IL36G: variants seen among roughly 807,000 people sequenced by gnomAD.
The protein encoded by IL36G is interleukin 36 gamma.
A neutral mutation model predicts 13.5 loss-of-function variants in IL36G; 10 were observed. The ratio of observed to expected loss-of-function variants is 0.74; its 90% confidence interval spans 0.46 to 1.26. IL36G has a LOEUF of 1.26. Ranked by LOEUF, IL36G falls within the 50% of genes most tolerant of loss-of-function variation. The pLI is 0.00. For synonymous variants in IL36G, 84 were observed against 74.0 expected, an observed-to-expected ratio of 1.13 and a Z score of -0.69; for missense variants, 199 against 203.0, an observed-to-expected ratio of 0.98 and a Z score of 0.12.
rs1173983481 is a variant in IL36G, at chr2:112,979,289, C to A, written c.124C>A (p.Leu42Ile). 6.2e-7 allele frequency: 1 copy of A among 1,613,220 alleles called. No individual in the cohort carries two copies. The highest frequency in any genetic ancestry group is 8.5e-7 in the Non-Finnish European group (1 of 1,179,132). ...QQVWTLQGQN[L>I]VAVPRSDSVT... is the part of the protein sequence containing the mutation. ...AGTGTGGACCCTTCAGGGTCAGAAC[C>A]TTGTGGCAGTTCCACGAAGTGACAG... is the stretch of plus-strand genomic sequence containing the variant. The change falls in exon 3 of 5, where the codon CTT (leucine) becomes ATT (isoleucine). Residue 42 changes from leucine to isoleucine, a missense_variant. Coordinates refer to ENST00000259205, the MANE Select transcript of IL36G (RefSeq NM_019618.4).
At position 112,985,578 on chromosome 2, in the gene IL36G, C is replaced by G. The variant is rs558998968; in HGVS notation, c.*529C>G. On this transcript the variant is annotated 3_prime_UTR_variant, in exon 5 of 5. Coordinates refer to ENST00000259205, the MANE Select transcript of IL36G (RefSeq NM_019618.4). ...TGTGTTAAGTTAAATCATTTTTGTCCTAATTGTAATGTGTAATCTTAAAGT... is the reference window on the plus strand; with the variant it reads ...TGTGTTAAGTTAAATCATTTTTGTCGTAATTGTAATGTGTAATCTTAAAGT... 1 of 152,674 alleles carries G rather than the reference C, an allele frequency of 6.5e-6. No homozygotes were observed. The highest frequency in any genetic ancestry group is 1.5e-5 in the Non-Finnish European group (1 of 68,424). The allele number at this position is 152,674 out of a possible 1,614,324, so 9.5% of individuals were successfully genotyped here. A position where few individuals can be genotyped will look rare whatever the true frequency, so the allele number is the denominator to read the frequency against.
chr2:112,978,289 T>A (rs941629887), intron 1 of IL36G, among the ~76,000 whole-genome samples: 3 of 152,184 alleles, frequency 2.0e-5, no homozygotes, highest in African/African-American at 7.2e-5. Context: ...ACAATGCCGA[T>A]GAAGGGGTGG....
intron 2 of IL36G, 102 bp from the exon 3 acceptor site, chr2:112,979,119 C>T (rs1272499778): frequency 1.4e-6 from 1 of 718,536 alleles, no homozygotes; most frequent in Admixed American, 2.2e-5. Flanking sequence ...AAACCCCACA[C>T]CTTCCTTACA....
intron 4 of IL36G, among the ~76,000 whole-genome samples, chr2:112,981,909 T>C (rs1684269937): frequency 6.6e-6 from 1 of 152,206 alleles, no homozygotes; most frequent in Non-Finnish European, 1.5e-5. Context: ...TTCCACAAAC[T>C]TCAGTTTAAT....
At chr2:112,984,531 T>G (rs1684319760) in intron 4 of IL36G, among the ~76,000 whole-genome samples, 1 of 152,204 alleles carries the variant, frequency 6.6e-6, no homozygotes, top group Non-Finnish European at 1.5e-5. Context: ...TTCCTCTTCC[T>G]AAGGGTCACC....
At position 112,980,020 on chromosome 2, in the gene IL36G, G is replaced by T; in HGVS notation, c.172G>T (p.Val58Phe). The change falls in exon 4 of 5, where the codon GTT becomes TTT. Residue 58 changes from valine (V) to phenylalanine (F), a missense_variant. Transcript: ENST00000259205. The stretch of plus-strand genomic sequence containing the variant: ...TCTTATCTTTACAGTCACTGTTGCT[G>T]TTATCACATGCAAGTATCCAGAGGC... ...SDSVTPVTVAVITCKYPEALE... is the reference protein window; with the variant it reads ...SDSVTPVTVAFITCKYPEALE... 4 of 1,612,858 alleles carry T rather than the reference G, an allele frequency of 2.5e-6. No homozygotes were observed. The highest frequency in any genetic ancestry group is 3.4e-6 in the Non-Finnish European group (4 of 1,179,408).
At chr2:112,982,482 G>C (rs985088059) in intron 4 of IL36G, among the ~76,000 whole-genome samples, 1 of 152,186 alleles carries the variant, frequency 6.6e-6, no homozygotes, top group Non-Finnish European at 1.5e-5. Context: ...GGTCTAAAAA[G>C]GATCTCTCTG....
chr2:112,979,583 C>A (rs1248652721), intron 3 of IL36G, among the ~76,000 whole-genome samples: 1 of 152,180 alleles, frequency 6.6e-6, no homozygotes, highest in Non-Finnish European at 1.5e-5. Context: ...AGACTAGTAG[C>A]TTGTTCTGCA....
At chr2:112,979,121 T>C in intron 2 of IL36G, 100 bp from the exon 3 acceptor site, 4 of 726,604 alleles carry the variant, frequency 5.5e-6, no homozygotes, top group Non-Finnish European at 9.7e-6. Context: ...ACCCCACACC[T>C]TCCTTACAAA....
intron 1 of IL36G, 110 bp from the exon 2 acceptor site, chr2:112,978,509 CA>C: frequency 1.2e-6 from 1 of 826,130 alleles, no homozygotes; most frequent in Non-Finnish European, 2.1e-6. Flanking sequence ...AGCTTCGTGT[CA>C]GGCCAGGTTT....
At chr2:112,984,563 G>A (rs1455078208) in intron 4 of IL36G, among the ~76,000 whole-genome samples, 1 of 152,096 alleles carries the variant, frequency 6.6e-6, no homozygotes, top group Non-Finnish European at 1.5e-5. Flanking sequence ...TGTGAGAAGA[G>A]TTCTAACTTG....
chr2:112,978,618 A>G lies in IL36G; in HGVS notation c.-19-2A>G. The G allele has an allele frequency of 6.2e-7, 1 of 1,612,400 alleles. No individual in the cohort carries two copies. Among genetic ancestry groups the G allele is most frequent in the East Asian group, 2.2e-5 (1 of 44,866 alleles). On this transcript the variant is annotated splice_acceptor_variant, in intron 1 of 4. Coordinates refer to ENST00000259205, the MANE Select transcript of IL36G (RefSeq NM_019618.4). LOFTEE classifies it low-confidence loss of function (5UTR_SPLICE). The stretch of plus-strand genomic sequence containing the variant: ...TCATCTGTTCTATGTCTGCTTTCAC[A>G]GGTGCTGAGACAACCACACTATGAG...
chr2:112,985,003 T>A lies in IL36G; in HGVS notation c.464T>A (p.Leu155His). The A allele has an allele frequency of 1.2e-6, 2 of 1,614,140 alleles. No homozygotes were observed. Among genetic ancestry groups the A allele is most frequent in the Non-Finnish European group, 1.7e-6 (2 of 1,180,006 alleles). ...CAGCCCATCATTCTGACTTCAGAAC[T>A]TGGGAAGTCATACAACACTGCCTTT... ...RDQPIILTSE[L>H]GKSYNTAFEL... is the part of the protein sequence containing the mutation. The change falls in exon 5 of 5, where the codon CTT (leucine) becomes CAT (histidine). Residue 155 changes from leucine (L) to histidine (H), a missense_variant. Coordinates refer to ENST00000259205, the MANE Select transcript of IL36G (RefSeq NM_019618.4).
At chr2:112,981,253 A>G in intron 4 of IL36G, 1 of 1,402,856 alleles carries the variant, frequency 7.1e-7, no homozygotes, top group Non-Finnish European at 1.0e-6. Context: ...CCTTGCCAGC[A>G]TCAGCTTTTC....
intron 4 of IL36G, among the ~76,000 whole-genome samples, chr2:112,983,621 G>A (rs1401703887): frequency 6.6e-6 from 1 of 152,072 alleles, no homozygotes; most frequent in East Asian, 1.9e-4. Flanking sequence ...TGTCTTGGAA[G>A]GCAAAGAAGA....
intron 4 of IL36G, among the ~76,000 whole-genome samples, chr2:112,983,388 T>C (rs566621001): frequency 1.3e-5 from 2 of 152,308 alleles, no homozygotes; most frequent in Admixed American, 6.5e-5. Context: ...ATACGCTAAG[T>C]TTAGATAGCA....
intron 3 of IL36G, 77 bp downstream of exon 3, chr2:112,979,402 T>C: frequency 2.3e-6 from 2 of 852,614 alleles, no homozygotes; most frequent in African/African-American, 1.7e-5. Context: ...TTTGTAAAAG[T>C]GTGACTTTAC....
intron 3 of IL36G, among the ~76,000 whole-genome samples, chr2:112,979,541 G>T (rs1684226088): frequency 6.6e-6 from 1 of 152,210 alleles, no homozygotes; most frequent in Non-Finnish European, 1.5e-5. Context: ...TAGGAAAGCT[G>T]CTGTCAGTCA....
chr2:112,984,618 C>A (rs1045922568), intron 4 of IL36G, among the ~76,000 whole-genome samples: 1 of 152,160 alleles, frequency 6.6e-6, no homozygotes. Context: ...CCCTTGTAAA[C>A]TTCCTACACC....
Sources: allele counts gnomAD v4.1 joint callset (sites outside exome capture counted in the v4.1 genomes callset), GRCh38; gene constraint gnomAD v4.1.1; transcripts MANE v1.5; gene names NCBI Gene and HGNC (gene_info 2026-07-23, HGNC 2026-07-21).